Variants in NARS2 observed in about 807,000 individuals in gnomAD.
NARS2 encodes asparaginyl-tRNA synthetase 2, mitochondrial.
A neutral mutation model predicts 62.9 loss-of-function variants in NARS2; 60 were observed. That is an observed-to-expected ratio of 0.95 (90% CI 0.77 to 1.18). The LOEUF (loss-of-function observed/expected upper bound fraction) is 1.18, where lower values mean the gene tolerates loss of function less well. Among genes scored for constraint, NARS2 ranks in the 50% most tolerant of loss-of-function variants. NARS2 has a pLI of 0.00. For missense variants in NARS2, 619 were observed against 576.4 expected, an observed-to-expected ratio of 1.07 and a Z score of -0.76; for synonymous variants, 196 against 200.0, an observed-to-expected ratio of 0.98 and a Z score of 0.17.
In NARS2 at chr11:78,566,217, G is replaced by C. The variant is rs373896671; in HGVS notation, c.428C>G (p.Pro143Arg). The C allele has an allele frequency of 1.6e-5, 26 of 1,612,178 alleles. No homozygotes were observed. Among genetic ancestry groups the C allele is most frequent in the Non-Finnish European group, 1.6e-5 (19 of 1,178,772 alleles). The change falls in exon 4 of 14, where the codon CCT (proline) becomes CGT (arginine). Residue 143 changes from proline to arginine, a missense_variant. Coordinates refer to ENST00000281038, the MANE Select transcript of NARS2 (RefSeq NM_024678.6). ...AACGTTAGTCCTACACCTAAAGTGA[G>C]GATATTGTCGCAGATACTCCAGAGG... The part of the protein sequence containing the change: ...RHPLEYLRQY[P>R]HFRCRTNVLG...
chr11:78,469,042 A>G (rs1401507001), intron 10 of NARS2, among the ~76,000 whole-genome samples: 1 of 152,154 alleles, frequency 6.6e-6, no homozygotes, highest in South Asian at 2.1e-4. Flanking sequence ...GATAAAATTT[A>G]TTTTTATTCT....
intron 6 of NARS2, among the ~76,000 whole-genome samples, chr11:78,498,183 T>C (rs1482541938): frequency 6.6e-6 from 1 of 151,686 alleles, no homozygotes; most frequent in East Asian, 1.9e-4. Flanking sequence ...GGATCAATGA[T>C]AAGAGATGGT....
intron 5 of NARS2, among the ~76,000 whole-genome samples, chr11:78,554,500 C>CATGTGTGCGTGT (rs1555041387): frequency 2.3e-5 from 1 of 42,594 alleles, no homozygotes; most frequent in African/African-American, 5.0e-5. Context: ...TATTCCTAGG[C>CATGTGTGCGTGT]GTGTGTGCGT....
At chr11:78,535,764 T>G (rs1225066767) in intron 5 of NARS2, among the ~76,000 whole-genome samples, 1 of 151,970 alleles carries the variant, frequency 6.6e-6, no homozygotes, top group African/African-American at 2.4e-5. Context: ...ATTACAGGCA[T>G]GCACCACCAC....
At chr11:78,467,409 C>T (rs1174284480) in intron 10 of NARS2, among the ~76,000 whole-genome samples, 1 of 152,028 alleles carries the variant, frequency 6.6e-6, no homozygotes, top group East Asian at 1.9e-4. Flanking sequence ...TGGTGGCACG[C>T]ACCTGTAGTC....
chr11:78,440,663 G>A (rs545693057), intron 13 of NARS2, among the ~76,000 whole-genome samples: 3 of 152,016 alleles, frequency 2.0e-5, no homozygotes, highest in Admixed American at 2.0e-4. Context: ...CTCCCAAGTA[G>A]GTGGGATTAC....
intron 6 of NARS2, among the ~76,000 whole-genome samples, chr11:78,524,806 C>A (rs1185455095): frequency 6.6e-6 from 1 of 152,024 alleles, no homozygotes; most frequent in Non-Finnish European, 1.5e-5. Context: ...GGAACTAGGG[C>A]TCTTTGGAGA....
At chr11:78,444,831 T>C (rs1353451642) in intron 11 of NARS2, among the ~76,000 whole-genome samples, 1 of 151,862 alleles carries the variant, frequency 6.6e-6, no homozygotes, top group Non-Finnish European at 1.5e-5. Context: ...ATAGAATGGA[T>C]AAACCAATAA....
At chr11:78,550,994 C>T (rs1180752373) in intron 5 of NARS2, among the ~76,000 whole-genome samples, 2 of 152,116 alleles carry the variant, frequency 1.3e-5, no homozygotes, top group Non-Finnish European at 2.9e-5. Flanking sequence ...TGTACGATTC[C>T]ATTTATATGA....
chr11:78,555,556 A>C (rs7936232), intron 5 of NARS2, among the ~76,000 whole-genome samples: 1 of 151,840 alleles, frequency 6.6e-6, no homozygotes, highest in South Asian at 2.1e-4. Context: ...GTCATTTCCA[A>C]TTGTGTTTAT....
intron 10 of NARS2, among the ~76,000 whole-genome samples, chr11:78,467,964 CT>C (rs1858692404): frequency 6.6e-6 from 1 of 150,778 alleles, no homozygotes; most frequent in Non-Finnish European, 1.5e-5. Context: ...CTACCTTGGC[CT>C]CTTAAAGTGT....
chr11:78,547,614 G>C (rs373716476), intron 5 of NARS2, among the ~76,000 whole-genome samples: 1 of 151,992 alleles, frequency 6.6e-6, no homozygotes, highest in Non-Finnish European at 1.5e-5. Context: ...ACGGCAGGCG[G>C]ATCACCTGAG....
At chr11:78,557,711 T>A (rs1856405897) in intron 5 of NARS2, among the ~76,000 whole-genome samples, 1 of 151,720 alleles carries the variant, frequency 6.6e-6, no homozygotes, top group Admixed American at 6.6e-5. Flanking sequence ...AGAAATACAT[T>A]TTTTTCCTCT....
At chr11:78,448,608 G>A (rs569334859) in intron 11 of NARS2, among the ~76,000 whole-genome samples, 1 of 152,258 alleles carries the variant, frequency 6.6e-6, no homozygotes, top group South Asian at 2.1e-4. Flanking sequence ...ACTGTGCCCG[G>A]CAGTAATCAC....
Position 78,478,423 on chromosome 11 carries a change from A to T in NARS2, c.959+15T>A, listed in dbSNP as rs769014829. ...TGATAATGAATAAAGTTCAAAAAGT[A>T]TAACATCTACTTACATTAAAAAGTT... On this transcript the variant is annotated intron_variant, in intron 9 of 13. Coordinates refer to ENST00000281038, the MANE Select transcript of NARS2 (RefSeq NM_024678.6). The T allele has an allele frequency of 9.8e-7, 1 of 1,024,484 alleles. No individual in the cohort carries two copies. Among genetic ancestry groups the T allele is most frequent in the Non-Finnish European group, 1.4e-6 (1 of 724,548 alleles). The allele number at this position is 1,024,484 out of a possible 1,614,324, so 63.5% of individuals were successfully genotyped here. A position where few individuals can be genotyped will look rare whatever the true frequency, so the allele number is the denominator to read the frequency against.
chr11:78,456,943 C>T (rs1027889708), intron 11 of NARS2, among the ~76,000 whole-genome samples: 1 of 152,156 alleles, frequency 6.6e-6, no homozygotes, highest in Admixed American at 6.5e-5. Context: ...TAGTCTTATC[C>T]ATGCATATGA....
At chr11:78,437,771 TC>T (rs971676223) in intron 13 of NARS2, among the ~76,000 whole-genome samples, 4 of 151,894 alleles carry the variant, frequency 2.6e-5, no homozygotes, top group Admixed American at 6.6e-5. Flanking sequence ...GCTCAGGAGT[TC>T]AAGGCCAGCA....
chr11:78,537,354 G>A (rs1855397045), intron 5 of NARS2, among the ~76,000 whole-genome samples: 1 of 152,222 alleles, frequency 6.6e-6, no homozygotes, highest in African/African-American at 2.4e-5. Flanking sequence ...AGTACAGATA[G>A]TACCAGGAAG....
intron 5 of NARS2, among the ~76,000 whole-genome samples, chr11:78,535,359 A>G (rs1022717768): frequency 3.3e-5 from 5 of 152,254 alleles, no homozygotes; most frequent in Non-Finnish European, 5.9e-5. Context: ...CCTTGAGAGA[A>G]ATGGTACAAT....
Sources: allele counts gnomAD v4.1 joint callset (sites outside exome capture counted in the v4.1 genomes callset), GRCh38; gene constraint gnomAD v4.1.1; transcripts MANE v1.5; gene names NCBI Gene and HGNC (gene_info 2026-07-23, HGNC 2026-07-21).